ARHGEF6: variants seen among roughly 807,000 people sequenced by gnomAD.
ARHGEF6 encodes the protein rho guanine nucleotide exchange factor 6.
In ARHGEF6, 9 loss-of-function variants were observed where a neutral mutation model predicts 70.3. The ratio of observed to expected loss-of-function variants is 0.13; its 90% confidence interval spans 0.08 to 0.22. The LOEUF is 0.22. ARHGEF6 is among the 10% of genes least tolerant of loss of function. The pLI is 1.00. For missense variants in ARHGEF6, 470 were observed against 563.0 expected (o/e 0.83, Z 1.67); for synonymous variants, 201 against 207.8 (o/e 0.97, Z 0.28).
chrX:136,765,239 T>C (rs936166821), intron 2 of ARHGEF6, among the ~76,000 whole-genome samples: 2 of 112,012 alleles, frequency 1.8e-5, no homozygotes, highest in Non-Finnish European at 3.8e-5. Context: ...AAATGGTAGA[T>C]ACTCAACTCC....
chrX:136,745,359 G>C lies in ARHGEF6; in HGVS notation c.335-12C>G, dbSNP rs1569417888. 8.3e-7 allele frequency: 1 copy of C among 1,210,762 alleles called. No individual in the cohort carries two copies. Among genetic ancestry groups the C allele is most frequent in the Non-Finnish European group, 1.1e-6 (1 of 894,736 alleles). On this transcript the variant is annotated splice_polypyrimidine_tract_variant and intron_variant, in intron 3 of 21. Transcript: ENST00000250617. ...TTCTGATAGCTGATCTGTGAAAAGA[G>C]GAAAAGGCATGTTAAAGGAACCACT...
intron 6 of ARHGEF6, among the ~76,000 whole-genome samples, chrX:136,731,348 T>C (rs2076933414): frequency 9.0e-6 from 1 of 111,597 alleles, no homozygotes; most frequent in South Asian, 3.7e-4. Flanking sequence ...GGGTAAAAAG[T>C]GAAACTGTAT....
intron 6 of ARHGEF6, among the ~76,000 whole-genome samples, chrX:136,724,972 C>T (rs1467333185): frequency 1.8e-5 from 2 of 111,875 alleles, no homozygotes; most frequent in Non-Finnish European, 3.8e-5. Flanking sequence ...ACTTTAATTC[C>T]GTGGTTGATA....
chrX:136,778,940 T>G (rs1461455204), intron 2 of ARHGEF6, among the ~76,000 whole-genome samples: 1 of 112,146 alleles, frequency 8.9e-6, no homozygotes, highest in Non-Finnish European at 1.9e-5. Context: ...ATCCATATAA[T>G]ATAAAATAAT....
rs938154458 is a variant in ARHGEF6 at position 136,777,151 on chromosome X, G to GGA, written c.249+2261_249+2262dup. 1.0e-3 allele frequency among the ~76,000 whole-genome samples: 114 copies of GGA among 111,287 alleles called. 1 individual carries two copies. Among genetic ancestry groups the GGA allele is most frequent in the African/African-American group, 3.6e-3 (110 of 30,715 alleles). ...GAGGCAGGAGAATCGCTGGAACCAG[G>GGA]GAGGTAGAGGTTGCAGTGAGCCAAG... On this transcript the variant is annotated intron_variant, in intron 2 of 21. Transcript: ENST00000250617.
chrX:136,745,129 G>A (rs1201734407), intron 4 of ARHGEF6, 94 bp downstream of exon 4: 18 of 1,099,482 alleles, frequency 1.6e-5, no homozygotes, highest in Non-Finnish European at 2.1e-5. Flanking sequence ...AAAACAACCC[G>A]GATGGCTGTC....
In ARHGEF6 at chrX:136,767,012, C is replaced by A. The variant is rs79553666; in HGVS notation, c.249+12402G>T. The A allele has an allele frequency of 1.7e-3, 1,013 of 600,976 alleles. 1 individual carries two copies. The highest frequency in any genetic ancestry group is 1.9e-3 in the Non-Finnish European group (964 of 499,929). The allele number at this position is 600,976 out of a possible 1,213,427, so 49.5% of individuals were successfully genotyped here. ...GTGAGGCCCTGGCAGAGAACGGACC[C>A]CGCAGCTGGGGCTGCGAGCCACGGC... is the stretch of plus-strand genomic sequence containing the variant. On this transcript the variant is annotated intron_variant, in intron 2 of 21. Transcript: ENST00000250617.
At chrX:136,700,734 T>C (rs915787057) in intron 9 of ARHGEF6, among the ~76,000 whole-genome samples, 5 of 111,598 alleles carry the variant, frequency 4.5e-5, no homozygotes, top group African/African-American at 1.6e-4. Context: ...AACAAAACAT[T>C]ACAAGGCATG....
In ARHGEF6 at chrX:136,667,962, T is replaced by G; in HGVS notation, c.*67A>C. 5.1e-6 allele frequency: 6 copies of G among 1,180,779 alleles called. No individual in the cohort carries two copies. In the South Asian group the frequency reaches 1.1e-4, roughly 21 times the overall value. Reference sequence around the variant, plus strand: ...AAGCCAAAGAAGTGAGCAAACTGAGTCAAATCATTCAGCGGGACATTTCAA... The same window carrying G: ...AAGCCAAAGAAGTGAGCAAACTGAGGCAAATCATTCAGCGGGACATTTCAA... On this transcript the variant is annotated 3_prime_UTR_variant, in exon 22 of 22. Coordinates refer to ENST00000250617, the MANE Select transcript of ARHGEF6 (RefSeq NM_004840.3).
At chrX:136,727,377 CTTTCTTTCTT>C (rs1326125789) in intron 6 of ARHGEF6, among the ~76,000 whole-genome samples, 1 of 70,059 alleles carries the variant, frequency 1.4e-5, no homozygotes, top group African/African-American at 5.9e-5. Flanking sequence ...TTCTTTCTTT[CTTTCTTTCTT>C]TCTTTCTTTC....
intron 6 of ARHGEF6, among the ~76,000 whole-genome samples, chrX:136,729,907 A>C (rs1268762929): frequency 9.0e-6 from 1 of 110,502 alleles, no homozygotes; most frequent in Non-Finnish European, 1.9e-5. Context: ...ACACACATAG[A>C]TATTACAGGC....
chrX:136,754,879 G>C (rs2077190007), intron 2 of ARHGEF6, among the ~76,000 whole-genome samples: 1 of 111,283 alleles, frequency 9.0e-6, no homozygotes, highest in Non-Finnish European at 1.9e-5. Flanking sequence ...GGGGTGGATG[G>C]GTGATCTCTC....
chrX:136,669,173 T>C (rs1405935335), intron 21 of ARHGEF6, among the ~76,000 whole-genome samples: 2 of 112,108 alleles, frequency 1.8e-5, no homozygotes, highest in Non-Finnish European at 3.8e-5. Context: ...ATGGTTCTCT[T>C]TACACTTACA....
intron 20 of ARHGEF6, among the ~76,000 whole-genome samples, chrX:136,670,302 T>C (rs970426668): frequency 5.4e-5 from 6 of 112,095 alleles, no homozygotes; most frequent in African/African-American, 1.6e-4. Context: ...AGACATCACA[T>C]TGTACACCTT....
intron 9 of ARHGEF6, among the ~76,000 whole-genome samples, chrX:136,691,592 G>T (rs999817778): frequency 8.0e-5 from 9 of 112,042 alleles, no homozygotes; most frequent in Admixed American, 3.8e-4. Flanking sequence ...TGAAACTTCT[G>T]CTTTATTACA....
At chrX:136,699,213 T>A (rs767186329) in intron 9 of ARHGEF6, among the ~76,000 whole-genome samples, 2 of 111,212 alleles carry the variant, frequency 1.8e-5, no homozygotes, top group Non-Finnish European at 3.8e-5. Context: ...ATATTTATAA[T>A]AATAATAACA....
intron 19 of ARHGEF6, among the ~76,000 whole-genome samples, chrX:136,672,770 G>A (rs2076238451): frequency 8.9e-6 from 1 of 112,042 alleles, no homozygotes; most frequent in African/African-American, 3.2e-5. Context: ...AGGCATGGGG[G>A]CCCAACCAAA....
intron 19 of ARHGEF6, among the ~76,000 whole-genome samples, chrX:136,673,761 G>A (rs989236650): frequency 7.2e-5 from 8 of 111,408 alleles, no homozygotes; most frequent in Non-Finnish European, 1.1e-4. Context: ...AGCAGAGTGC[G>A]ACAGTCCTCT....
chrX:136,668,894 C>T (rs953999360), intron 21 of ARHGEF6, among the ~76,000 whole-genome samples: 3 of 111,328 alleles, frequency 2.7e-5, no homozygotes, highest in Non-Finnish European at 5.7e-5. Flanking sequence ...ATATTATCCT[C>T]GTCCATAGGT....
Sources: allele counts gnomAD v4.1 joint callset (sites outside exome capture counted in the v4.1 genomes callset), GRCh38; gene constraint gnomAD v4.1.1; transcripts MANE v1.5; gene names NCBI Gene and HGNC (gene_info 2026-07-23, HGNC 2026-07-21).